Variants in ITCH observed in about 807,000 individuals in gnomAD.
ITCH encodes E3 ubiquitin-protein ligase Itchy homolog.
In ITCH, 28 loss-of-function variants were observed where a neutral mutation model predicts 126.8. That is an observed-to-expected ratio of 0.22 (90% CI 0.16 to 0.30). The LOEUF (loss-of-function observed/expected upper bound fraction) is 0.30, where lower values mean the gene tolerates loss of function less well. Among genes scored for constraint, ITCH ranks in the 10% least tolerant of loss-of-function variants. The pLI is 1.00. For synonymous variants in ITCH, 342 were observed against 340.0 expected (o/e 1.01, Z -0.06); for missense variants, 631 against 1,032.4 (o/e 0.61, Z 5.33).
At chr20:34,463,335 C>T (rs1048852850) in intron 14 of ITCH, among the ~76,000 whole-genome samples, 15 of 152,316 alleles carry the variant, frequency 9.8e-5, no homozygotes, top group South Asian at 4.1e-4. Context: ...AGCACTCCAG[C>T]CTGGGTGACA....
chr20:34,461,344 T>G (rs1197304395), intron 13 of ITCH, among the ~76,000 whole-genome samples: 1 of 152,168 alleles, frequency 6.6e-6, no homozygotes, highest in African/African-American at 2.4e-5. Context: ...TGATACTCTG[T>G]TAGCAGTATC....
chr20:34,459,980 T>C (rs1986361489), intron 13 of ITCH, among the ~76,000 whole-genome samples: 1 of 152,250 alleles, frequency 6.6e-6, no homozygotes, highest in East Asian at 1.9e-4. Context: ...TTTTGTTTCC[T>C]CTTAGATGTT....
Position 34,481,063 on chromosome 20 carries a change from C to T in ITCH, c.1953-3C>T, listed in dbSNP as rs946679538. 2 of 1,613,080 alleles carry T rather than the reference C, an allele frequency of 1.2e-6. No individual in the cohort carries two copies. The highest frequency in any genetic ancestry group is 8.5e-7 in the Non-Finnish European group (1 of 1,179,350). The stretch of plus-strand genomic sequence containing the variant: ...ACAAATAGTGCTAATTTCATTTGTG[C>T]AGGGAAAACAATATTGAGGAATGTG... On this transcript the variant is annotated splice_region_variant and splice_polypyrimidine_tract_variant and intron_variant, in intron 19 of 24. Coordinates refer to ENST00000374864, the MANE Select transcript of ITCH (RefSeq NM_031483.7).
chr20:34,429,119 A>G (rs1224341925), intron 7 of ITCH, among the ~76,000 whole-genome samples: 1 of 151,970 alleles, frequency 6.6e-6, no homozygotes, highest in Non-Finnish European at 1.5e-5. Context: ...TTGTATTTTT[A>G]GTAGAGATGA....
rs534487525 is a variant in ITCH at position 34,412,530 on chromosome 20, G to C, written c.228G>C (p.Val76=). 10 of 1,598,782 alleles carry C rather than the reference G, an allele frequency of 6.3e-6. No individual in the cohort carries two copies. The South Asian group carries it at 1.1e-4, about 18-fold the overall frequency. Reference sequence around the variant, plus strand: ...TCACTTTTAGTATCGTTACCCCTGTGAGTAAATTACATTTTCGTGTGTGGA... The same window carrying C: ...TCACTTTTAGTATCGTTACCCCTGTCAGTAAATTACATTTTCGTGTGTGGA... ...KQPLTVIVTP[V]SKLHFRVWSH... is the part of the protein sequence containing the mutation. The change falls in exon 5 of 25, where the codon GTG becomes GTC. Residue 76 remains valine, a synonymous_variant. Transcript: ENST00000374864.
chr20:34,472,147 G>A (rs572367638), intron 16 of ITCH, among the ~76,000 whole-genome samples: 15 of 151,972 alleles, frequency 9.9e-5, no homozygotes, highest in South Asian at 4.1e-4. Context: ...AGGCTGAGGC[G>A]GGTACATCAC....
intron 7 of ITCH, among the ~76,000 whole-genome samples, chr20:34,425,830 A>AT (rs2146226424): frequency 6.6e-6 from 1 of 152,356 alleles, no homozygotes; most frequent in African/African-American, 2.4e-5. Context: ...ACTAAGGGAA[A>AT]TCAGAGACCA....
intron 1 of ITCH, among the ~76,000 whole-genome samples, chr20:34,366,250 A>AT (rs2037416787): frequency 6.6e-6 from 1 of 152,038 alleles, no homozygotes; most frequent in African/African-American, 2.4e-5. Context: ...ATGAAAAGTG[A>AT]TTTTTTGTTG....
At position 34,489,400 on chromosome 20, in the gene ITCH, C is replaced by T. The variant is rs6087589; in HGVS notation, c.2214+14C>T. Reference sequence around the variant, plus strand: ...AAGGAATTAGAGGTAATGAATTTTCCTTCATTCCCCTGTACCATGCTAGTA... The same window carrying T: ...AAGGAATTAGAGGTAATGAATTTTCTTTCATTCCCCTGTACCATGCTAGTA... On this transcript the variant is annotated intron_variant, in intron 21 of 24. Transcript: ENST00000374864. The T allele has an allele frequency of 1.2e-6, 2 of 1,608,846 alleles. No individual in the cohort carries two copies. The highest frequency in any genetic ancestry group is 1.3e-5 in the African/African-American group (1 of 74,820).
Position 34,412,599 on chromosome 20 carries a change from AT to A in ITCH, c.299del (p.Leu100Ter). 1 of 1,605,276 alleles carries A rather than the reference AT, an allele frequency of 6.2e-7. No individual in the cohort carries two copies. The highest frequency in any genetic ancestry group is 8.5e-7 in the Non-Finnish European group (1 of 1,172,162). ...KSDVLLGTAA[L>X]DIYETLKSNN... ...CTGATGTTTTGTTGGGAACTGCTGC[AT>A]TAGATATTTATGAAACATTAAAGTC... On this transcript the variant is annotated frameshift_variant, in exon 5 of 25. Transcript: ENST00000374864. LOFTEE classifies it high-confidence loss of function.
intron 6 of ITCH, among the ~76,000 whole-genome samples, chr20:34,421,305 T>A (rs1980731426): frequency 6.6e-6 from 1 of 152,126 alleles, no homozygotes; most frequent in South Asian, 2.1e-4. Context: ...GTTTTTGAGA[T>A]TGCTAGACAC....
chr20:34,431,488 A>G (rs1982282038), intron 7 of ITCH, among the ~76,000 whole-genome samples: 2 of 152,156 alleles, frequency 1.3e-5, no homozygotes, highest in Admixed American at 6.6e-5. Flanking sequence ...TGATAATTTG[A>G]TACTAGAGGA....
intron 14 of ITCH, chr20:34,466,188 C>T: frequency 1.4e-4 from 36 of 260,586 alleles, no homozygotes; most frequent in East Asian, 2.2e-4. Context: ...TGATTTTTTC[C>T]CCCCCTCATT....
chr20:34,483,036 CT>C (rs1988867434), intron 20 of ITCH, among the ~76,000 whole-genome samples: 1 of 152,310 alleles, frequency 6.6e-6, no homozygotes, highest in South Asian at 2.1e-4. Context: ...ACCTTGGCCA[CT>C]TTTAGTCATG....
At chr20:34,457,561 T>C in intron 13 of ITCH, 87 bp downstream of exon 13, 2 of 942,738 alleles carry the variant, frequency 2.1e-6, no homozygotes, top group Non-Finnish European at 3.4e-6. Context: ...TCATATTCTT[T>C]TGCCAAAGAC....
intron 13 of ITCH, among the ~76,000 whole-genome samples, chr20:34,459,108 A>C (rs762506791): frequency 1.3e-5 from 2 of 152,128 alleles, no homozygotes; most frequent in Non-Finnish European, 2.9e-5. Flanking sequence ...ACTGTCTACA[A>C]ATTTGGGGGC....
At position 34,507,963 on chromosome 20, in the gene ITCH, G is replaced by A. The variant is rs1392539355; in HGVS notation, c.*169G>A. ...TATCTCCCAGTGATTTCTACTCAGC[G>A]TTTCCAGAAATCAGGTCTGCAAATG... On this transcript the variant is annotated 3_prime_UTR_variant, in exon 25 of 25. Transcript: ENST00000374864. 21 of 609,512 alleles carry A rather than the reference G, an allele frequency of 3.4e-5. No individual in the cohort carries two copies. The highest frequency in any genetic ancestry group is 3.7e-4 in the Middle Eastern group (1 of 2,690). The allele number at this position is 609,512 out of a possible 1,614,324, so 37.8% of individuals were successfully genotyped here.
intron 1 of ITCH, among the ~76,000 whole-genome samples, chr20:34,364,361 A>C (rs2122929545): frequency 6.6e-6 from 1 of 152,152 alleles, no homozygotes; most frequent in Non-Finnish European, 1.5e-5. Context: ...TTTTGCCTTG[A>C]AAATTAGTAA....
At chr20:34,386,965 A>G (rs1339232220) in intron 2 of ITCH, among the ~76,000 whole-genome samples, 3 of 152,066 alleles carry the variant, frequency 2.0e-5, no homozygotes, top group Non-Finnish European at 2.9e-5. Flanking sequence ...TGGGCATTCT[A>G]TCTGTCACAT....
Sources: gnomAD v4.1 joint callset for allele counts (sites outside exome capture counted in the v4.1 genomes callset) on GRCh38, gnomAD v4.1.1 for gene constraint, MANE v1.5 for transcripts, NCBI Gene and HGNC (gene_info 2026-07-23, HGNC 2026-07-21) for gene names.